Variants in SLC22A17 observed in about 807,000 individuals in gnomAD.
SLC22A17 encodes solute carrier family 22 member 17.
Under a neutral mutation model 53.6 loss-of-function variants are expected in SLC22A17, and 38 were observed. The observed-to-expected ratio is 0.71, with a 90% CI of 0.55 to 0.93. The LOEUF is 0.93. Among genes scored for constraint, SLC22A17 ranks in the 40% least tolerant of loss-of-function variants. SLC22A17 has a pLI of 0.00. For synonymous variants in SLC22A17, 379 were observed against 353.0 expected, an observed-to-expected ratio of 1.07 and a Z score of -0.82; for missense variants, 704 against 791.0, an observed-to-expected ratio of 0.89 and a Z score of 1.32.
Position 23,348,824 on chromosome 14 carries a change from G to T in SLC22A17, c.860-153C>A. 1.3e-6 allele frequency: 1 copy of T among 795,886 alleles called. No homozygotes were observed. Among genetic ancestry groups the T allele is most frequent in the Non-Finnish European group, 1.9e-6 (1 of 516,070 alleles). 49.3% of individuals were successfully genotyped at this position (795,886 alleles called of 1,614,324 possible). On this transcript the variant is annotated intron_variant, in intron 4 of 9. Transcript: ENST00000397267. This position sits in a 1 kb window ranked among gnomAD's most constrained non-coding sequence, Gnocchi z 4.5. ...TTGCCTCCCTTGCTAACCTCTGGGT[G>T]GCAAGGACTGGGGAGACTGTTCAGC...
rs1437091363 is a variant in SLC22A17 at position 23,348,818 on chromosome 14, C to CTGGG, written c.860-151_860-148dup. The CTGGG allele has an allele frequency of 2.3e-6, 2 of 852,974 alleles. No individual in the cohort carries two copies. Among genetic ancestry groups the CTGGG allele is most frequent in the Non-Finnish European group, 3.5e-6 (2 of 567,496 alleles). 52.8% of individuals were successfully genotyped at this position (852,974 alleles called of 1,614,324 possible). On this transcript the variant is annotated intron_variant, in intron 4 of 9. Coordinates refer to ENST00000397267, the Ensembl canonical transcript of SLC22A17. The surrounding 1 kb of genome is among the most constrained non-coding windows in gnomAD (Gnocchi z 4.5). ...CAGCCATTGCCTCCCTTGCTAACCT[C>CTGGG]TGGGTGGCAAGGACTGGGGAGACTG...
rs376360400 is a variant in SLC22A17, at chr14:23,352,106, T to G, written c.442A>C (p.Ser148Arg). The G allele has an allele frequency of 1.9e-6, 3 of 1,583,424 alleles. No individual in the cohort carries two copies. The African/African-American group carries it at 4.0e-5, about 21-fold the overall frequency. Residue 148 changes from serine (S) to arginine (R), a missense_variant, in exon 2 of 10, where the codon AGC becomes CGC. Physicochemically the swap from Ser to Arg is moderately radical, Grantham distance 110. This residue lies in a region of SLC22A17 where 435 missense variants were observed against 529.0 expected (regional missense o/e 0.82). Transcript: ENST00000397267. This position sits in a 1 kb window ranked among gnomAD's most constrained non-coding sequence, Gnocchi z 7.2. ...GCTGCTAGGGCAGCGCTGGCGACGCTGACGCCGCTGGCATTGGGAGGCTGC... is the reference window on the plus strand; with the variant it reads ...GCTGCTAGGGCAGCGCTGGCGACGCGGACGCCGCTGGCATTGGGAGGCTGC...
At chr14:23,351,529 A>T in intron 3 of SLC22A17, 1 of 530,964 alleles carries the variant, frequency 1.9e-6, no homozygotes. Context: ...TGGGACTAAT[A>T]GTCCATAGAG....
chr14:23,346,770 T>G (rs1595003288), exon 10 of SLC22A17: 1 of 1,543,920 alleles, frequency 6.5e-7, no homozygotes, highest in East Asian at 2.4e-5. Flanking sequence ...GGCAGGAGCT[T>G]GCGCTTGGTC....
At position 23,348,889 on chromosome 14, in the gene SLC22A17, G is replaced by A; in HGVS notation, c.860-218C>T. On this transcript the variant is annotated intron_variant, in intron 4 of 9. Transcript: ENST00000397267. This position sits in a 1 kb window ranked among gnomAD's most constrained non-coding sequence, Gnocchi z 4.5. ...TGCTCAAACCTAGGAGGGCTCTAGGGCCAGAGTCCTGGGTGAGTGTTCAAC... is the reference window on the plus strand; with the variant it reads ...TGCTCAAACCTAGGAGGGCTCTAGGACCAGAGTCCTGGGTGAGTGTTCAAC... 1.6e-6 allele frequency: 1 copy of A among 607,516 alleles called. No homozygotes were observed. Among genetic ancestry groups the A allele is most frequent in the Non-Finnish European group, 2.9e-6 (1 of 347,062 alleles). The allele number at this position is 607,516 out of a possible 1,614,324, so 37.6% of individuals were successfully genotyped here.
chr14:23,348,009 G>C lies in SLC22A17; in HGVS notation c.1172-13C>G. Reference sequence around the variant, plus strand: ...GTATTCTCCAGGTCTTTGGGAGAGAGAGAGGAGCTGTCAGAAGAAAACCCT... The same window carrying C: ...GTATTCTCCAGGTCTTTGGGAGAGACAGAGGAGCTGTCAGAAGAAAACCCT... On this transcript the variant is annotated splice_polypyrimidine_tract_variant and intron_variant, in intron 6 of 9. Transcript: ENST00000397267. This position sits in a 1 kb window ranked among gnomAD's most constrained non-coding sequence, Gnocchi z 4.5. 6.2e-7 allele frequency: 1 copy of C among 1,613,552 alleles called. No individual in the cohort carries two copies. Among genetic ancestry groups the C allele is most frequent in the South Asian group, 1.1e-5 (1 of 91,072 alleles).
Position 23,351,942 on chromosome 14 carries a change from C to T in SLC22A17, c.600+6G>A, listed in dbSNP as rs759660181. 6.2e-7 allele frequency: 1 copy of T among 1,612,038 alleles called. No individual in the cohort carries two copies. The highest frequency in any genetic ancestry group is 1.1e-5 in the South Asian group (1 of 90,968). ...CCCAGACCCGCGGCCCGCCTGGCCG[C>T]CTCACCTGGCCGATGGCGTTGGTGG... On this transcript the variant is annotated splice_donor_region_variant and intron_variant, in intron 2 of 9. Coordinates refer to ENST00000397267, the Ensembl canonical transcript of SLC22A17.
In SLC22A17 at chr14:23,352,071, G is replaced by A. The variant is rs764261485; in HGVS notation, c.477C>T (p.Ala159=). Reference sequence around the variant, plus strand: ...GGTCGGTACTGGTGGCGACACGGCTGGCGGCGCTGGCTGCTAGGGCAGCGC... The same window carrying A: ...GGTCGGTACTGGTGGCGACACGGCTAGCGGCGCTGGCTGCTAGGGCAGCGC... The change falls in exon 2 of 10, where the codon GCC becomes GCT. Residue 159 remains alanine (A), a synonymous_variant. Transcript: ENST00000397267. This position sits in a 1 kb window ranked among gnomAD's most constrained non-coding sequence, Gnocchi z 7.2. 6.3e-7 allele frequency: 1 copy of A among 1,598,652 alleles called. No homozygotes were observed. The highest frequency in any genetic ancestry group is 2.3e-5 in the East Asian group (1 of 44,192).
exon 3 of SLC22A17, chr14:23,351,793 G>A: frequency 6.2e-7 from 1 of 1,613,788 alleles, no homozygotes; most frequent in Non-Finnish European, 8.5e-7. Flanking sequence ...CGGAGGCAAA[G>A]CCCAAGATGA....
In SLC22A17 at chr14:23,352,077, G is replaced by C; in HGVS notation, c.471C>G (p.Ser157Arg). 6.3e-7 allele frequency: 1 copy of C among 1,596,898 alleles called. No individual in the cohort carries two copies. The highest frequency in any genetic ancestry group is 8.5e-7 in the Non-Finnish European group (1 of 1,172,666). ...TACTGGTGGCGACACGGCTGGCGGCGCTGGCTGCTAGGGCAGCGCTGGCGA... is the reference window on the plus strand; with the variant it reads ...TACTGGTGGCGACACGGCTGGCGGCCCTGGCTGCTAGGGCAGCGCTGGCGA... The change falls in exon 2 of 10, where the codon AGC becomes AGG. Residue 157 changes from serine (S) to arginine (R), a missense_variant. Coordinates refer to ENST00000397267, the Ensembl canonical transcript of SLC22A17. This position sits in a 1 kb window ranked among gnomAD's most constrained non-coding sequence, Gnocchi z 7.2.
Position 23,348,429 on chromosome 14 carries a change from G to A in SLC22A17, c.1025+77C>T. On this transcript the variant is annotated intron_variant, in intron 5 of 9. Transcript: ENST00000397267. The surrounding 1 kb of genome is among the most constrained non-coding windows in gnomAD (Gnocchi z 4.5). ...CTGGACCAGGGGTAGTTGGAGAAGA[G>A]GAGGGGTCTCCGGGCTAGGGCTAGT... 6.3e-7 allele frequency: 1 copy of A among 1,585,028 alleles called. No homozygotes were observed. The highest frequency in any genetic ancestry group is 1.3e-5 in the African/African-American group (1 of 74,614).
chr14:23,348,011 G>A lies in SLC22A17; in HGVS notation c.1172-15C>T. 2 of 1,613,632 alleles carry A rather than the reference G, an allele frequency of 1.2e-6. No individual in the cohort carries two copies. The highest frequency in any genetic ancestry group is 1.7e-6 in the Non-Finnish European group (2 of 1,179,652). ...ATTCTCCAGGTCTTTGGGAGAGAGA[G>A]AGGAGCTGTCAGAAGAAAACCCTGA... On this transcript the variant is annotated splice_polypyrimidine_tract_variant and intron_variant, in intron 6 of 9. Transcript: ENST00000397267. The surrounding 1 kb of genome is among the most constrained non-coding windows in gnomAD (Gnocchi z 4.5).
rs1268718831 is a variant in SLC22A17, at chr14:23,348,552, G to C, written c.979C>G (p.Leu327Val). The change falls in exon 5 of 10, where the codon CTA (leucine) becomes GTA (valine). Residue 327 changes from leucine (L) to valine (V), a missense_variant. Coordinates refer to ENST00000397267, the Ensembl canonical transcript of SLC22A17. This position sits in a 1 kb window ranked among gnomAD's most constrained non-coding sequence, Gnocchi z 4.5. ...CAGGGAGCGGTGATCATTCGCTGTA[G>C]GAATCGCCAATCCTTAGAGACAAGG... The C allele has an allele frequency of 6.2e-7, 1 of 1,614,122 alleles. No individual in the cohort carries two copies. The highest frequency in any genetic ancestry group is 8.5e-7 in the Non-Finnish European group (1 of 1,179,992).
Position 23,348,398 on chromosome 14 carries a change from G to T in SLC22A17, c.1026-92C>A. Reference sequence around the variant, plus strand: ...GCACCTCTGAGGGACTGGGGCTGGGGTAGGCCTGGACCAGGGGTAGTTGGA... The same window carrying T: ...GCACCTCTGAGGGACTGGGGCTGGGTTAGGCCTGGACCAGGGGTAGTTGGA... On this transcript the variant is annotated intron_variant, in intron 5 of 9. Coordinates refer to ENST00000397267, the Ensembl canonical transcript of SLC22A17. The surrounding 1 kb of genome is among the most constrained non-coding windows in gnomAD (Gnocchi z 4.5). The T allele has an allele frequency of 1.3e-6, 2 of 1,584,468 alleles. No homozygotes were observed. Among genetic ancestry groups the T allele is most frequent in the African/African-American group, 2.7e-5 (2 of 74,576 alleles).
Position 23,347,504 on chromosome 14 carries a change from G to T in SLC22A17, c.1505C>A (p.Pro502His). Residue 502 changes from proline to histidine, a missense_variant, in exon 8 of 10, where the codon CCT (proline) becomes CAT (histidine). By Grantham distance (77) the Pro-to-His change is moderately conservative. Around this residue, in one of 4 missense-constraint regions of SLC22A17, gnomAD observed 435 missense variants for 529.0 expected, o/e 0.82. Transcript: ENST00000397267. The surrounding 1 kb of genome is among the most constrained non-coding windows in gnomAD (Gnocchi z 5.1). The stretch of plus-strand genomic sequence containing the variant: ...TTGAGCCCACACTGTGGGGAAGATA[G>T]GATGCTCACAATCCCACAGGCCCAG... The T allele has an allele frequency of 6.2e-7, 1 of 1,614,002 alleles. No individual in the cohort carries two copies. The highest frequency in any genetic ancestry group is 8.5e-7 in the Non-Finnish European group (1 of 1,179,936).
Position 23,348,848 on chromosome 14 carries a change from G to A in SLC22A17, c.860-177C>T. 1.5e-6 allele frequency: 1 copy of A among 674,416 alleles called. No homozygotes were observed. The highest frequency in any genetic ancestry group is 2.5e-6 in the Non-Finnish European group (1 of 406,564). 41.8% of individuals were successfully genotyped at this position (674,416 alleles called of 1,614,324 possible). ...TGGCAAGGACTGGGGAGACTGTTCA[G>A]CCCTCTCTCCTCTCCTGCTCAAACC... On this transcript the variant is annotated intron_variant, in intron 4 of 9. Coordinates refer to ENST00000397267, the Ensembl canonical transcript of SLC22A17. The surrounding 1 kb of genome is among the most constrained non-coding windows in gnomAD (Gnocchi z 4.5).
chr14:23,352,242 G>T lies in SLC22A17; in HGVS notation c.306C>A (p.Cys102Ter). The T allele has an allele frequency of 6.9e-7, 1 of 1,445,752 alleles. No individual in the cohort carries two copies. 89.6% of individuals were successfully genotyped at this position (1,445,752 alleles called of 1,614,324 possible). A position where few individuals can be genotyped will look rare whatever the true frequency, so the allele number is the denominator to read the frequency against. Residue 102 changes from cysteine to a stop codon, truncating the protein, a stop_gained, in exon 2 of 10, where the codon TGC (cysteine) becomes TGA (stop). Transcript: ENST00000397267. LOFTEE classifies it high-confidence loss of function. This position sits in a 1 kb window ranked among gnomAD's most constrained non-coding sequence, Gnocchi z 7.2. ...CCAGAGCCACGAAGAGCACCGGCAG[G>T]CAGCAGAGGCCGAGCTGCAGCTGCT...
chr14:23,350,725 TG>T (rs1257028793), intron 3 of SLC22A17, among the ~76,000 whole-genome samples: 4 of 152,198 alleles, frequency 2.6e-5, no homozygotes, highest in Non-Finnish European at 4.4e-5. Flanking sequence ...ACCAAATTAT[TG>T]ATCTTTGGGG....
chr14:23,350,468 C>T (rs1251000040), intron 3 of SLC22A17, among the ~76,000 whole-genome samples: 1 of 152,046 alleles, frequency 6.6e-6, no homozygotes. Context: ...GGAGATGAGA[C>T]TATTGGTAAG....
Sources: gnomAD v4.1 joint callset for allele counts (sites outside exome capture counted in the v4.1 genomes callset) on GRCh38, gnomAD v4.1.1 for gene constraint, gnomAD v4.1.1 regional missense constraint, Gnocchi (gnomAD v3.1) non-coding constraint, MANE v1.5 for transcripts, NCBI Gene and HGNC (gene_info 2026-07-23, HGNC 2026-07-21) for gene names.